PDE11A: variants seen among roughly 807,000 people sequenced by gnomAD.
PDE11A encodes the protein dual 3',5'-cyclic-AMP and -GMP phosphodiesterase 11A.
In PDE11A, 100 loss-of-function variants were observed where a neutral mutation model predicts 100.5. The ratio of observed to expected loss-of-function variants is 1.00; its 90% confidence interval spans 0.85 to 1.18. The LOEUF (loss-of-function observed/expected upper bound fraction) is 1.18, where lower values mean the gene tolerates loss of function less well. Ranked by LOEUF, PDE11A falls within the 50% of genes most tolerant of loss-of-function variation. The pLI is 0.00. For synonymous variants in PDE11A, 381 were observed against 420.8 expected, an observed-to-expected ratio of 0.91 and a Z score of 1.16; for missense variants, 1,141 against 1,152.6, an observed-to-expected ratio of 0.99 and a Z score of 0.15.
At chr2:177,965,318 T>C (rs930141286) in intron 2 of PDE11A, among the ~76,000 whole-genome samples, 1 of 152,176 alleles carries the variant, frequency 6.6e-6, no homozygotes, top group Non-Finnish European at 1.5e-5. Flanking sequence ...ATCCTGTAGG[T>C]TGTCTGTTTA....
At chr2:177,880,595 C>T (rs1167228163) in intron 4 of PDE11A, among the ~76,000 whole-genome samples, 1 of 152,078 alleles carries the variant, frequency 6.6e-6, no homozygotes, top group Non-Finnish European at 1.5e-5. Context: ...TTCTTTGAGC[C>T]CTTCTAGCAA....
At chr2:178,084,676 G>A in intron 2 of PDE11A, among the ~76,000 whole-genome samples, 1 of 152,134 alleles carries the variant, frequency 6.6e-6, no homozygotes, top group East Asian at 1.9e-4. Context: ...CAATGAGACT[G>A]GGTTCAACAG....
intron 19 of PDE11A, among the ~76,000 whole-genome samples, chr2:177,651,387 A>G (rs1243727973): frequency 1.3e-5 from 2 of 152,194 alleles, no homozygotes; most frequent in Non-Finnish European, 2.9e-5. Flanking sequence ...AAAGGTTGAT[A>G]TTGCCTATCA....
In PDE11A at chr2:177,679,978, G is replaced by A. The variant is rs545572121; in HGVS notation, c.2423+848C>T. Among the ~76,000 whole-genome samples, 42 of 152,198 alleles carry A rather than the reference G, an allele frequency of 2.8e-4. 1 individual carries two copies. The highest frequency in any genetic ancestry group is 9.4e-4 in the African/African-American group (39 of 41,556). ...AAAAACTAGAGCCCTCTGGGGAGAG[G>A]GCTGCAGGAAGGTGACATGAGGACA... On this transcript the variant is annotated intron_variant, in intron 16 of 19. Coordinates refer to ENST00000286063, the MANE Select transcript of PDE11A (RefSeq NM_016953.4).
At chr2:177,632,116 G>T (rs79357185) in intron 19 of PDE11A, among the ~76,000 whole-genome samples, 4,050 of 152,248 alleles carry the variant, frequency 0.027, 94 homozygotes, top group African/African-American at 0.062. Context: ...CTGCCATATA[G>T]AATGAAGATA....
chr2:178,088,862 T>C (rs1284711894), intron 2 of PDE11A, among the ~76,000 whole-genome samples: 1 of 152,264 alleles, frequency 6.6e-6, no homozygotes, highest in Non-Finnish European at 1.5e-5. Flanking sequence ...CTTTTCCTAC[T>C]GGATATTTAA....
chr2:177,795,901 A>T (rs896650984), intron 9 of PDE11A, among the ~76,000 whole-genome samples: 2 of 128,182 alleles, frequency 1.6e-5, no homozygotes, highest in African/African-American at 5.5e-5. Flanking sequence ...GTCTCTGGGG[A>T]TTGTAGATAA....
At chr2:177,816,440 A>G (rs1431428976) in intron 9 of PDE11A, among the ~76,000 whole-genome samples, 1 of 141,268 alleles carries the variant, frequency 7.1e-6, no homozygotes, top group East Asian at 2.0e-4. Flanking sequence ...CATCTAGGTC[A>G]TATATCCTTG....
At chr2:177,761,849 G>A (rs2082174745) in intron 10 of PDE11A, among the ~76,000 whole-genome samples, 1 of 152,204 alleles carries the variant, frequency 6.6e-6, no homozygotes, top group Non-Finnish European at 1.5e-5. Flanking sequence ...GAAAGTTAGA[G>A]TTTGGAATAC....
chr2:177,636,615 C>T lies in PDE11A; in HGVS notation c.2647-7053G>A, dbSNP rs956410. On this transcript the variant is annotated intron_variant, in intron 19 of 19. Transcript: ENST00000286063. Reference sequence around the variant, plus strand: ...TATATATAATTAAGAAAAACCAAGGCCTGGATGAAGAACTCACTCGTGGTC... The same window carrying T: ...TATATATAATTAAGAAAAACCAAGGTCTGGATGAAGAACTCACTCGTGGTC... Among the ~76,000 whole-genome samples the T allele has an allele frequency of 4.3e-3, 647 of 152,124 alleles. 15 individuals are homozygous for T. Among genetic ancestry groups the T allele is most frequent in the Admixed American group, 0.037 (564 of 15,292 alleles).
intron 2 of PDE11A, among the ~76,000 whole-genome samples, chr2:177,919,366 G>T (rs1373636856): frequency 1.3e-5 from 2 of 151,920 alleles, no homozygotes; most frequent in Non-Finnish European, 2.9e-5. Context: ...CAAAGTGTTG[G>T]GATTACATAT....
intron 5 of PDE11A, among the ~76,000 whole-genome samples, chr2:177,870,720 C>T (rs1197903551): frequency 1.3e-5 from 2 of 152,030 alleles, no homozygotes; most frequent in African/African-American, 4.8e-5. Flanking sequence ...ACTGTGTTAC[C>T]CTGGACATAT....
At chr2:178,019,372 T>G (rs1319808898) in intron 1 of PDE11A, among the ~76,000 whole-genome samples, 1 of 152,200 alleles carries the variant, frequency 6.6e-6, no homozygotes, top group Non-Finnish European at 1.5e-5. Flanking sequence ...CAAATATGTT[T>G]ATTTTACTTG....
At chr2:177,663,473 T>C (rs1228877517) in intron 19 of PDE11A, among the ~76,000 whole-genome samples, 1 of 139,936 alleles carries the variant, frequency 7.1e-6, no homozygotes, top group Non-Finnish European at 1.5e-5. Flanking sequence ...CAAATATGTT[T>C]GAGAAATTGA....
chr2:177,782,679 A>T (rs1268829488), intron 9 of PDE11A, among the ~76,000 whole-genome samples: 1 of 152,162 alleles, frequency 6.6e-6, no homozygotes, highest in Non-Finnish European at 1.5e-5. Context: ...TCCACACCAA[A>T]AAAATCCACT....
intron 4 of PDE11A, among the ~76,000 whole-genome samples, chr2:177,896,773 A>G (rs756697938): frequency 6.6e-6 from 1 of 152,196 alleles, no homozygotes; most frequent in African/African-American, 2.4e-5. Flanking sequence ...GGATTAAAAG[A>G]ATGCAAATGT....
intron 9 of PDE11A, among the ~76,000 whole-genome samples, chr2:177,815,329 T>C (rs992994919): frequency 6.6e-6 from 1 of 152,200 alleles, no homozygotes; most frequent in African/African-American, 2.4e-5. Flanking sequence ...TTCTCACAAT[T>C]GAGGTAAGTG....
chr2:177,924,075 G>C (rs886365006), intron 2 of PDE11A, among the ~76,000 whole-genome samples: 1 of 152,154 alleles, frequency 6.6e-6, no homozygotes, highest in Admixed American at 6.6e-5. Flanking sequence ...TAATGAGTAA[G>C]CAAGTCGGAC....
chr2:177,979,583 C>G (rs1341455984), intron 2 of PDE11A, among the ~76,000 whole-genome samples: 1 of 144,166 alleles, frequency 6.9e-6, no homozygotes, highest in Non-Finnish European at 1.5e-5. Context: ...CTTTATTACT[C>G]AAGTGTGAAT....
Sources: gnomAD v4.1 joint callset for allele counts (sites outside exome capture counted in the v4.1 genomes callset) on GRCh38, gnomAD v4.1.1 for gene constraint, MANE v1.5 for transcripts, NCBI Gene and HGNC (gene_info 2026-07-23, HGNC 2026-07-21) for gene names.